STEAP2: variants seen among roughly 807,000 people sequenced by gnomAD.
The protein encoded by STEAP2 is metalloreductase STEAP2.
Under a neutral mutation model 46.4 loss-of-function variants are expected in STEAP2, and 30 were observed. The observed-to-expected ratio is 0.65, with a 90% CI of 0.48 to 0.88. The LOEUF (loss-of-function observed/expected upper bound fraction) is 0.88. Among genes scored for constraint, STEAP2 ranks in the 40% least tolerant of loss-of-function variants. STEAP2 has a pLI of 0.00. For missense variants in STEAP2, 513 were observed against 579.3 expected, an observed-to-expected ratio of 0.89 and a Z score of 1.18; for synonymous variants, 180 against 200.5, an observed-to-expected ratio of 0.90 and a Z score of 0.86.
At chr7:90,240,516 CAT>C (rs1201377660), downstream of STEAP2, among the ~76,000 whole-genome samples, 4 of 152,086 alleles carry the variant, frequency 2.6e-5, no homozygotes, top group South Asian at 2.1e-4. This position sits in a 1 kb window ranked among gnomAD's most constrained non-coding sequence, Gnocchi z 4.1. Flanking sequence ...ACTTATTAGA[CAT>C]ATTCTTAATT....
rs1342455046 is a variant in STEAP2 at position 90,233,018 on chromosome 7, T to A, written c.*394T>A. The stretch of plus-strand genomic sequence containing the variant: ...TGGATATACATTTTTTTCTGAAGAT[T>A]AAGATTTTAATTATTCAACTTAAAA... On this transcript the variant is annotated 3_prime_UTR_variant, in exon 6 of 6. Transcript: ENST00000394621. 10 of 966,016 alleles carry A rather than the reference T, an allele frequency of 1.0e-5. No individual in the cohort carries two copies. The highest frequency in any genetic ancestry group is 1.2e-5 in the Non-Finnish European group (10 of 812,272). 59.8% of individuals were successfully genotyped at this position (966,016 alleles called of 1,614,324 possible).
At position 90,227,209 on chromosome 7, in the gene STEAP2, A is replaced by G; in HGVS notation, c.731A>G (p.Gln244Arg). The G allele has an allele frequency of 6.2e-7, 1 of 1,613,866 alleles. No homozygotes were observed. The highest frequency in any genetic ancestry group is 8.5e-7 in the Non-Finnish European group (1 of 1,179,838). Residue 244 changes from glutamine (Q) to arginine (R), a missense_variant, in exon 4 of 6, where the codon CAG (glutamine) becomes CGG (arginine). Transcript: ENST00000394621. ...ATTCATCCATATGCTAGAAACCAAC[A>G]GAGTGACTTTTACAAAATTCCTATA... is the stretch of plus-strand genomic sequence containing the variant. ...DVIHPYARNQ[Q>R]SDFYKIPIEI...
Position 90,225,371 on chromosome 7 carries a change from C to T in STEAP2, c.289C>T (p.His97Tyr), listed in dbSNP as rs1395119218. The T allele has an allele frequency of 1.9e-6, 3 of 1,613,606 alleles. No homozygotes were observed. Among genetic ancestry groups the T allele is most frequent in the Non-Finnish European group, 2.5e-6 (3 of 1,179,854 alleles). Residue 97 changes from histidine (H) to tyrosine (Y), a missense_variant, in exon 3 of 6, where the codon CAT (histidine) becomes TAT (tyrosine). His to Tyr is a moderately conservative substitution (Grantham distance 83, BLOSUM62 2). Transcript: ENST00000394621. The part of the protein sequence containing the change: ...NIIFVAIHRE[H>Y]YTSLWDLRHL... ...AATATTTGTTGCTATACACAGAGAA[C>T]ATTATACCTCCCTGTGGGACCTGAG...
Position 90,235,128 on chromosome 7 carries a change from G to T in STEAP2, c.*2504G>T. On this transcript the variant is annotated 3_prime_UTR_variant, in exon 6 of 6. Coordinates refer to ENST00000394621, the MANE Select transcript of STEAP2 (RefSeq NM_001244944.2). Reference sequence around the variant, plus strand: ...AATGACTATTAAAGCATATATTGTTGCATGTATATATTAAGTAGCCGATAC... The same window carrying T: ...AATGACTATTAAAGCATATATTGTTTCATGTATATATTAAGTAGCCGATAC... The T allele has an allele frequency of 1.1e-6, 1 of 943,012 alleles. No homozygotes were observed. The highest frequency in any genetic ancestry group is 1.3e-6 in the Non-Finnish European group (1 of 791,254). The allele number at this position is 943,012 out of a possible 1,614,324, so 58.4% of individuals were successfully genotyped here.
downstream of STEAP2, among the ~76,000 whole-genome samples, chr7:90,240,912 C>A (rs1796051924): frequency 6.6e-6 from 1 of 152,104 alleles, no homozygotes; most frequent in African/African-American, 2.4e-5. This position sits in a 1 kb window ranked among gnomAD's most constrained non-coding sequence, Gnocchi z 4.1. Flanking sequence ...GTCATTTCAC[C>A]CTTTCACCCT....
At chr7:90,220,747 T>C (rs1795223125) in intron 2 of STEAP2, among the ~76,000 whole-genome samples, 1 of 152,174 alleles carries the variant, frequency 6.6e-6, no homozygotes, top group Non-Finnish European at 1.5e-5. Context: ...AATGATTTTT[T>C]GGTGTAGGTG....
rs17869605 is a variant in STEAP2, at chr7:90,212,030, C to T, written c.-162C>T. The T allele has an allele frequency of 0.01, 1,539 of 152,812 alleles. 13 individuals are homozygous for T. Among genetic ancestry groups the T allele is most frequent in the Middle Eastern group, 0.054 (16 of 294 alleles). 9.5% of individuals were successfully genotyped at this position (152,812 alleles called of 1,614,324 possible). On this transcript the variant is annotated 5_prime_UTR_variant, in exon 1 of 6. Coordinates refer to ENST00000394621, the MANE Select transcript of STEAP2 (RefSeq NM_001244944.2). ...GCTCGCCCCTGCCCGGCGTGGAGGG[C>T]GCGGGGGGCGCGGAGGTGAGCGGGT...
Position 90,234,277 on chromosome 7 carries a change from T to G in STEAP2, c.*1653T>G, listed in dbSNP as rs919061266. ...GCTCAAACTGTAGAATGCCCTACATTCCCCCCACCCCAATTTGCTATTTCC... is the reference window on the plus strand; with the variant it reads ...GCTCAAACTGTAGAATGCCCTACATGCCCCCCACCCCAATTTGCTATTTCC... On this transcript the variant is annotated 3_prime_UTR_variant, in exon 6 of 6. Transcript: ENST00000394621. The G allele has an allele frequency of 1.0e-6, 1 of 985,110 alleles. No individual in the cohort carries two copies. The highest frequency in any genetic ancestry group is 1.2e-6 in the Non-Finnish European group (1 of 829,904). 61.0% of individuals were successfully genotyped at this position (985,110 alleles called of 1,614,324 possible).
intron 2 of STEAP2, among the ~76,000 whole-genome samples, chr7:90,217,919 C>G (rs533672821): frequency 6.6e-6 from 1 of 152,230 alleles, no homozygotes; most frequent in African/African-American, 2.4e-5. Context: ...TTCTCTGAAT[C>G]GTTGTCAGCA....
chr7:90,237,746 G>A (rs921188960), downstream of STEAP2: 4 of 183,756 alleles, frequency 2.2e-5, no homozygotes, highest in Admixed American at 1.6e-4. Flanking sequence ...AGCAATACAT[G>A]TGATAGTTAT....
In STEAP2 at chr7:90,230,013, T is replaced by C; in HGVS notation, c.1162T>C (p.Trp388Arg). Reference protein sequence around the residue: ...SIPSVSNALNWREFSFIQSTL... With the variant: ...SIPSVSNALNRREFSFIQSTL... ...CCCTTCAGTGAGCAATGCTTTAAAC[T>C]GGAGAGAATTCAGTTTTATTCAGGT... Residue 388 changes from tryptophan to arginine, a missense_variant, in exon 5 of 6, where the codon TGG becomes CGG. By Grantham distance (101) the Trp-to-Arg change is moderately radical. Transcript: ENST00000394621. 1 of 1,613,048 alleles carries C rather than the reference T, an allele frequency of 6.2e-7. No homozygotes were observed. Among genetic ancestry groups the C allele is most frequent in the Non-Finnish European group, 8.5e-7 (1 of 1,179,346 alleles).
In STEAP2 at chr7:90,236,781, G is replaced by T. The variant is rs1795974641; in HGVS notation, c.*4157G>T. The T allele has an allele frequency of 1.3e-6, 2 of 1,494,370 alleles. No individual in the cohort carries two copies. The highest frequency in any genetic ancestry group is 1.8e-6 in the Non-Finnish European group (2 of 1,123,488). The allele number at this position is 1,494,370 out of a possible 1,614,324, so 92.6% of individuals were successfully genotyped here. ...ATCCAAAATTAAGGCAGACTGTTTGGATTCTTCCAGTGGCCAGATGAGCTA... is the reference window on the plus strand; with the variant it reads ...ATCCAAAATTAAGGCAGACTGTTTGTATTCTTCCAGTGGCCAGATGAGCTA... On this transcript the variant is annotated 3_prime_UTR_variant, in exon 6 of 6. Transcript: ENST00000394621.
intron 3 of STEAP2, among the ~76,000 whole-genome samples, chr7:90,225,982 TAA>T (rs200249306): frequency 0.027 from 4,170 of 152,316 alleles, 61 homozygotes; most frequent in Middle Eastern, 0.048. Flanking sequence ...CCTTAGAAAA[TAA>T]GTTTCAGTAT....
chr7:90,229,719 A>G (rs769257149), intron 4 of STEAP2, among the ~76,000 whole-genome samples, 153 bp from the exon 5 acceptor site: 1 of 152,168 alleles, frequency 6.6e-6, no homozygotes, highest in African/African-American at 2.4e-5. Context: ...ATCATCCAGT[A>G]ACAGGTTCTC....
rs1795527287 is a variant in STEAP2, at chr7:90,227,136, A to T, written c.658A>T (p.Ile220Leu). The change falls in exon 4 of 6, where the codon ATA (isoleucine) becomes TTA (leucine). Residue 220 changes from isoleucine to leucine, a missense_variant. Ile to Leu is a conservative substitution (Grantham distance 5). Transcript: ENST00000394621. The part of the protein sequence containing the change: ...TLWRGPVVVA[I>L]SLATFFFLYS... ...CTGGAGAGGGCCAGTGGTGGTAGCT[A>T]TAAGCTTGGCCACATTTTTTTTCCT... 1 of 1,613,780 alleles carries T rather than the reference A, an allele frequency of 6.2e-7. No homozygotes were observed. Among genetic ancestry groups the T allele is most frequent in the East Asian group, 2.2e-5 (1 of 44,884 alleles).
downstream of STEAP2, among the ~76,000 whole-genome samples, chr7:90,239,488 T>C (rs1267628646): frequency 6.6e-6 from 1 of 152,198 alleles, no homozygotes; most frequent in Non-Finnish European, 1.5e-5. Flanking sequence ...GATATAGAAC[T>C]CAAATAATTA....
Position 90,225,071 on chromosome 7 carries a change from A to C in STEAP2, c.-12A>C, listed in dbSNP as rs1468601645. On this transcript the variant is annotated 5_prime_UTR_variant, in exon 3 of 6. Transcript: ENST00000394621. ...CTAGGATATTCTTGGTGATCTTGGA[A>C]GTGTCCGTATCATGGAATCAATCTC... 6.2e-7 allele frequency: 1 copy of C among 1,608,592 alleles called. No homozygotes were observed. Among genetic ancestry groups the C allele is most frequent in the Non-Finnish European group, 8.5e-7 (1 of 1,177,428 alleles).
downstream of STEAP2, among the ~76,000 whole-genome samples, chr7:90,241,819 G>A (rs954587849): frequency 6.6e-6 from 1 of 152,168 alleles, no homozygotes; most frequent in African/African-American, 2.4e-5. Context: ...TACAAAAACG[G>A]AATGACAGAC....
chr7:90,225,238 C>A lies in STEAP2; in HGVS notation c.156C>A (p.Cys52Ter). The change falls in exon 3 of 6, where the codon TGC (cysteine) becomes TGA (stop). Residue 52 changes from cysteine to a stop codon, truncating the protein, a stop_gained. Coordinates refer to ENST00000394621, the MANE Select transcript of STEAP2 (RefSeq NM_001244944.2). LOFTEE classifies it high-confidence loss of function. ...CCTTGACCATTCGACTTATTAGATG[C>A]GGCTATCATGTGGTCATAGGAAGTA... Reference protein sequence around the residue: ...AKSLTIRLIRCGYHVVIGSRN... With the variant: ...AKSLTIRLIR 3 of 1,613,596 alleles carry A rather than the reference C, an allele frequency of 1.9e-6. No individual in the cohort carries two copies. Among genetic ancestry groups the A allele is most frequent in the Non-Finnish European group, 2.5e-6 (3 of 1,179,636 alleles).
Sources: allele counts gnomAD v4.1 joint callset (sites outside exome capture counted in the v4.1 genomes callset), GRCh38; gene constraint gnomAD v4.1.1; non-coding constraint Gnocchi (gnomAD v3.1); transcripts MANE v1.5; gene names NCBI Gene and HGNC (gene_info 2026-07-23, HGNC 2026-07-21).